The following MACF1 variants were observed in gnomAD, a reference collection of about 807,000 sequenced individuals.
MACF1 encodes the protein microtubule actin crosslinking factor 1.
In MACF1, 193 loss-of-function variants were observed where a neutral mutation model predicts 854.8. That is an observed-to-expected ratio of 0.23 (90% CI 0.20 to 0.25). The LOEUF is 0.25. MACF1 is among the 10% of genes least tolerant of loss of function. MACF1 has a pLI of 1.00. For synonymous variants in MACF1, 3,185 were observed against 3,226.7 expected, an observed-to-expected ratio of 0.99 and a Z score of 0.44; for missense variants, 7,722 against 8,929.1, an observed-to-expected ratio of 0.86 and a Z score of 5.45.
chr1:39,173,328 G>C (rs1444248428), intron 2 of MACF1, among the ~76,000 whole-genome samples: 2 of 108,448 alleles, frequency 1.8e-5, no homozygotes, highest in Non-Finnish European at 3.6e-5. Flanking sequence ...GATGGAGCCA[G>C]ACTCCATCTC....
chr1:39,312,110 A>G (rs931365084), intron 26 of MACF1, among the ~76,000 whole-genome samples: 1 of 152,142 alleles, frequency 6.6e-6, no homozygotes, highest in African/African-American at 2.4e-5. Flanking sequence ...GGTTGACTGC[A>G]TGCTTTGGGA....
Position 39,331,503 on chromosome 1 carries a change from G to A in MACF1, c.4915G>A (p.Glu1639Lys). The A allele has an allele frequency of 6.2e-7, 1 of 1,614,172 alleles. No homozygotes were observed. ...RGPLSVVEAIEKRIISETVGL... is the reference protein window; with the variant it reads ...RGPLSVVEAIKKRIISETVGL... ...CCCTCTTTCTGTGGTGGAAGCAATTGAAAAGAGAATAATCAGTGAGACAGT... is the reference window on the plus strand; with the variant it reads ...CCCTCTTTCTGTGGTGGAAGCAATTAAAAAGAGAATAATCAGTGAGACAGT... The change falls in exon 37 of 101, where the codon GAA (glutamate) becomes AAA (lysine). Residue 1639 changes from glutamate (E) to lysine (K), a missense_variant. Coordinates refer to ENST00000564288, the MANE Select transcript of MACF1 (RefSeq NM_001394062.1).
At chr1:39,269,333 T>C (rs1645274352) in intron 6 of MACF1, 1 of 1,289,748 alleles carries the variant, frequency 7.8e-7, no homozygotes, top group South Asian at 1.2e-5. Context: ...ATAAAGGAAA[T>C]CAAGAACAAT....
intron 69 of MACF1, 73 bp from the exon 70 acceptor site, chr1:39,435,485 C>A: frequency 8.0e-7 from 1 of 1,247,756 alleles, no homozygotes; most frequent in Non-Finnish European, 1.1e-6. Flanking sequence ...TTGATATTAG[C>A]TCTGATCAAA....
Position 39,084,349 on chromosome 1 carries a change from C to T in MACF1, c.131C>T (p.Pro44Leu). 2.5e-6 allele frequency: 4 copies of T among 1,613,996 alleles called. No individual in the cohort carries two copies. Among genetic ancestry groups the T allele is most frequent in the Non-Finnish European group, 3.4e-6 (4 of 1,180,034 alleles). The stretch of plus-strand genomic sequence containing the variant: ...CCCTGTCCCCCAGGGGACACCTTGC[C>T]CTGGAACCTGCCACTGCATGAGCAG... Residue 44 changes from proline to leucine, a missense_variant, in exon 2 of 94, where the codon CCC becomes CTC. Pro to Leu is a moderately conservative substitution (Grantham distance 98, BLOSUM62 -3). Coordinates refer to the MACF1 transcript ENST00000361689. The surrounding 1 kb of genome is among the most constrained non-coding windows in gnomAD (Gnocchi z 5.2).
intron 2 of MACF1, among the ~76,000 whole-genome samples, chr1:39,107,594 C>A (rs1163957165): frequency 6.6e-6 from 1 of 152,132 alleles, no homozygotes; most frequent in Non-Finnish European, 1.5e-5. Context: ...GCCTTTGTTA[C>A]TTTGCTTATG....
Position 39,428,121 on chromosome 1 carries a change from G to A in MACF1, c.16637G>A (p.Cys5546Tyr), listed in dbSNP as rs575642095. Residue 5546 changes from cysteine to tyrosine, a missense_variant, in exon 63 of 101, where the codon TGT becomes TAT. Cys to Tyr is a radical substitution (Grantham distance 194, BLOSUM62 -2). This residue lies in a region of MACF1 where 2,807 missense variants were observed against 3,235.8 expected (regional missense o/e 0.87). Coordinates refer to ENST00000564288, the MANE Select transcript of MACF1 (RefSeq NM_001394062.1). Reference sequence around the variant, plus strand: ...TACAGTGAAATTCAAGACCGCTGTTGTCGGAAGGCAGCCCTACTTGACCAA... The same window carrying A: ...TACAGTGAAATTCAAGACCGCTGTTATCGGAAGGCAGCCCTACTTGACCAA... ...ARYSEIQDRCCRKAALLDQAL... is the reference protein window; with the variant it reads ...ARYSEIQDRCYRKAALLDQAL... 1.2e-6 allele frequency: 2 copies of A among 1,614,200 alleles called. No individual in the cohort carries two copies. Among genetic ancestry groups the A allele is most frequent in the South Asian group, 2.2e-5 (2 of 91,078 alleles).
chr1:39,334,383 A>G lies in MACF1; in HGVS notation c.7795A>G (p.Lys2599Glu), dbSNP rs1045780372. ...TCAGAGATTGACCTTGGCAGAAGCT[A>G]AAAAAGAAGGACTGTTAACTAATGA... Reference protein sequence around the residue: ...SGQRLTLAEAKKEGLLTNEAV... With the variant: ...SGQRLTLAEAEKEGLLTNEAV... Residue 2599 changes from lysine to glutamate, a missense_variant, in exon 37 of 101, where the codon AAA (lysine) becomes GAA (glutamate). Lys to Glu is a moderately conservative substitution (Grantham distance 56). Coordinates refer to ENST00000564288, the MANE Select transcript of MACF1 (RefSeq NM_001394062.1). 2.5e-6 allele frequency: 4 copies of G among 1,614,088 alleles called. No homozygotes were observed. The highest frequency in any genetic ancestry group is 1.7e-5 in the Admixed American group (1 of 60,020).
intron 51 of MACF1, 49 bp from the exon 52 acceptor site, chr1:39,372,430 G>A (rs746461483): frequency 9.5e-7 from 1 of 1,048,022 alleles, no homozygotes; most frequent in Non-Finnish European, 1.5e-6. Context: ...CCCTACTTAT[G>A]AGGAAAAAGC....
chr1:39,408,592 C>G (rs984499043), intron 58 of MACF1, among the ~76,000 whole-genome samples: 1 of 149,004 alleles, frequency 6.7e-6, no homozygotes, highest in African/African-American at 2.4e-5. Context: ...TTTCTGGATT[C>G]GTTCGCCTTT....
rs756737787 is a variant in MACF1, at chr1:39,459,138, T to G, written c.21249T>G (p.Ser7083=). The G allele has an allele frequency of 1.2e-6, 2 of 1,614,006 alleles. No homozygotes were observed. Reference sequence around the variant, plus strand: ...CTCCCATGCCAATCCTTTCACAGTCTGAAGCAAAAAACCCACGGATCAACC... The same window carrying G: ...CTCCCATGCCAATCCTTTCACAGTCGGAAGCAAAAAACCCACGGATCAACC... ...TPPPMPILSQ[S]EAKNPRINQL... Residue 7083 remains serine (S), a synonymous_variant, in exon 91 of 101, where the codon TCT becomes TCG. Transcript: ENST00000564288.
At position 39,088,504 on chromosome 1, in the gene MACF1, G is replaced by A. The variant is rs375146264; in HGVS notation, c.220+4066G>A. ...CACCTGAGAGACTTGGTCACTTCCGGGAAAGGCCTCAGGATCCTGGTCTAT... is the reference window on the plus strand; with the variant it reads ...CACCTGAGAGACTTGGTCACTTCCGAGAAAGGCCTCAGGATCCTGGTCTAT... On this transcript the variant is annotated intron_variant, in intron 2 of 93. Coordinates refer to the MACF1 transcript ENST00000361689. Among the ~76,000 whole-genome samples the A allele has an allele frequency of 1.2e-4, 18 of 152,336 alleles. No individual in the cohort carries two copies. The South Asian group carries it at 3.7e-3, about 32-fold the overall frequency.
chr1:39,440,469 C>G (rs1324625384), intron 72 of MACF1, among the ~76,000 whole-genome samples: 2 of 152,084 alleles, frequency 1.3e-5, no homozygotes, highest in Admixed American at 1.3e-4. Flanking sequence ...ATAAGCCAAG[C>G]CTATCTTGAT....
intron 84 of MACF1, among the ~76,000 whole-genome samples, chr1:39,449,137 A>G (rs1172149702): frequency 6.6e-6 from 1 of 152,194 alleles, no homozygotes; most frequent in Non-Finnish European, 1.5e-5. Flanking sequence ...TTTGCTGGGC[A>G]ATTACTACTG....
chr1:39,221,815 C>G (rs913451221), intron 1 of MACF1, among the ~76,000 whole-genome samples: 3 of 152,200 alleles, frequency 2.0e-5, no homozygotes, highest in African/African-American at 7.2e-5. Context: ...AGACTTCTAA[C>G]TGGTTCTTCT....
At chr1:39,094,352 A>T (rs1010050213) in intron 2 of MACF1, among the ~76,000 whole-genome samples, 30 of 151,680 alleles carry the variant, frequency 2.0e-4, no homozygotes, top group Non-Finnish European at 4.0e-4. Flanking sequence ...TGGTGAACTG[A>T]GCTCACGCCA....
At position 39,413,221 on chromosome 1, in the gene MACF1, G is replaced by A. The variant is rs72928320; in HGVS notation, c.15817-9153G>A. On this transcript the variant is annotated intron_variant, in intron 58 of 100. Transcript: ENST00000564288. Reference sequence around the variant, plus strand: ...AGCTACCACAGTGCATGCTCCAGAGGAGCCTGATACTGCAGCTGTCAGAGT... The same window carrying A: ...AGCTACCACAGTGCATGCTCCAGAGAAGCCTGATACTGCAGCTGTCAGAGT... 5.2e-4 allele frequency: 845 copies of A among 1,613,338 alleles called. 7 individuals carry two copies. The African/African-American group carries it at 5.5e-3, about 11-fold the overall frequency.
Position 39,454,938 on chromosome 1 carries a change from G to T in MACF1, c.20916G>T (p.Gln6972His), listed in dbSNP as rs749582099. Reference sequence around the variant, plus strand: ...TGACATGGGCTAAGCAGCACCAGCAGCGTCTTGAAACGGCCTTGTCAGAAC... The same window carrying T: ...TGACATGGGCTAAGCAGCACCAGCATCGTCTTGAAACGGCCTTGTCAGAAC... ...EVLTWAKQHQ[Q>H]RLETALSELV... Residue 6972 changes from glutamine (Q) to histidine (H), a missense_variant, in exon 89 of 101, where the codon CAG (glutamine) becomes CAT (histidine). By Grantham distance (24) the Gln-to-His change is conservative. Transcript: ENST00000564288. 6.2e-7 allele frequency: 1 copy of T among 1,614,088 alleles called. No individual in the cohort carries two copies. Among genetic ancestry groups the T allele is most frequent in the African/African-American group, 1.3e-5 (1 of 74,940 alleles).
Position 39,388,415 on chromosome 1 carries a change from G to T in MACF1, c.15573G>T (p.Gly5191=). The change falls in exon 58 of 101, where the codon GGG becomes GGT. Residue 5191 remains glycine (G), a synonymous_variant. Coordinates refer to ENST00000564288, the MANE Select transcript of MACF1 (RefSeq NM_001394062.1). ...AECRHMLEEE[G]TLDLLGLKRE... ...GTCGACATATGCTAGAAGAAGAGGGGACTCTGGATTTGTTAGGTCTCAAAA... is the reference window on the plus strand; with the variant it reads ...GTCGACATATGCTAGAAGAAGAGGGTACTCTGGATTTGTTAGGTCTCAAAA... 1.2e-6 allele frequency: 2 copies of T among 1,614,120 alleles called. No individual in the cohort carries two copies. Among genetic ancestry groups the T allele is most frequent in the Non-Finnish European group, 8.5e-7 (1 of 1,180,010 alleles).
Sources: allele counts gnomAD v4.1 joint callset (sites outside exome capture counted in the v4.1 genomes callset), GRCh38; gene constraint gnomAD v4.1.1; regional missense constraint gnomAD v4.1.1; non-coding constraint Gnocchi (gnomAD v3.1); transcripts MANE v1.5; gene names NCBI Gene and HGNC (gene_info 2026-07-23, HGNC 2026-07-21).